Variants in AFAP1L1 observed in about 807,000 individuals in gnomAD.
AFAP1L1 encodes actin filament associated protein 1 like 1, also known as actin filament-associated protein 1-like 1.
A neutral mutation model predicts 99.8 loss-of-function variants in AFAP1L1; 77 were observed. The ratio of observed to expected loss-of-function variants is 0.77; its 90% CI spans 0.64 to 0.93. The LOEUF (loss-of-function observed/expected upper bound fraction) is 0.93. AFAP1L1 is among the 40% of genes least tolerant of loss of function. The probability of loss-of-function intolerance (pLI) is 0.00; values close to 1 mark genes in which losing one functional copy is unlikely to be tolerated. For missense variants in AFAP1L1, 893 were observed against 996.8 expected (o/e 0.90, Z 1.40); for synonymous variants, 373 against 395.3 (o/e 0.94, Z 0.67).
At position 149,317,832 on chromosome 5, in the gene AFAP1L1, T is replaced by C. The variant is rs767463763; in HGVS notation, c.1371T>C (p.His457=). The part of the protein sequence containing the change: ...FHKDHMDLRT[H]VNAIALQGCE... ...AGGATCACATGGACCTGCGAACCCA[T>C]GTGAACGCCATCGCCCTGCAAGGCT... The change falls in exon 12 of 19, where the codon CAT becomes CAC. Residue 457 remains histidine, a synonymous_variant. Transcript: ENST00000296721. 5.6e-6 allele frequency: 9 copies of C among 1,612,304 alleles called. No homozygotes were observed. The highest frequency in any genetic ancestry group is 5.5e-5 in the South Asian group (5 of 90,472).
intron 11 of AFAP1L1, 55 bp from the exon 12 acceptor site, chr5:149,317,674 T>C: frequency 6.3e-7 from 1 of 1,586,516 alleles, no homozygotes; most frequent in South Asian, 1.1e-5. Context: ...CCGCCTTGCG[T>C]CCCCATGCTG....
intron 1 of AFAP1L1, among the ~76,000 whole-genome samples, chr5:149,284,590 G>C (rs1561660607): frequency 6.6e-6 from 1 of 152,194 alleles, no homozygotes; most frequent in Admixed American, 6.5e-5. Flanking sequence ...CTCGCTCCTT[G>C]CCTGCCCATC....
chr5:149,331,091 C>T (rs1280046214), intron 16 of AFAP1L1, among the ~76,000 whole-genome samples: 6 of 151,880 alleles, frequency 4.0e-5, no homozygotes, highest in Non-Finnish European at 8.8e-5. Flanking sequence ...CTGGTAAGAC[C>T]CAACACAGCA....
intron 15 of AFAP1L1, among the ~76,000 whole-genome samples, chr5:149,326,818 G>T (rs1757110181): frequency 6.6e-6 from 1 of 152,086 alleles, no homozygotes; most frequent in Non-Finnish European, 1.5e-5. Flanking sequence ...AGAAATCCCT[G>T]CTAATACGCT....
At chr5:149,295,831 T>C (rs1755999496) in intron 1 of AFAP1L1, among the ~76,000 whole-genome samples, 1 of 152,238 alleles carries the variant, frequency 6.6e-6, no homozygotes, top group Non-Finnish European at 1.5e-5. Context: ...TGTGTAGTAC[T>C]AAGACATTAT....
chr5:149,317,603 G>T, intron 11 of AFAP1L1, 126 bp from the exon 12 acceptor site: 1 of 923,672 alleles, frequency 1.1e-6, no homozygotes, highest in Non-Finnish European at 1.6e-6. Context: ...TCACCCTGAG[G>T]TCACAGGGGA....
intron 1 of AFAP1L1, among the ~76,000 whole-genome samples, chr5:149,287,161 A>G (rs1314520213): frequency 1.3e-5 from 2 of 152,256 alleles, no homozygotes; most frequent in Non-Finnish European, 2.9e-5. Context: ...AAGCAGCAAT[A>G]TGGATAAATC....
chr5:149,291,143 C>T (rs533322046), intron 1 of AFAP1L1, among the ~76,000 whole-genome samples: 1 of 152,014 alleles, frequency 6.6e-6, no homozygotes, highest in Non-Finnish European at 1.5e-5. Context: ...TGGCTGGCAG[C>T]GGAAGGGAGT....
At chr5:149,272,910 C>T (rs1193414986) in intron 1 of AFAP1L1, among the ~76,000 whole-genome samples, 2 of 152,070 alleles carry the variant, frequency 1.3e-5, no homozygotes, top group East Asian at 3.9e-4. Context: ...ACCATATTGG[C>T]CAGGCTGGTC....
At chr5:149,280,046 T>C (rs776468874) in intron 1 of AFAP1L1, among the ~76,000 whole-genome samples, 60 of 152,200 alleles carry the variant, frequency 3.9e-4, no homozygotes, top group Admixed American at 6.5e-4. Context: ...TAGTAGGTGC[T>C]CAATAAATGT....
At chr5:149,289,481 C>A (rs1755787629) in intron 1 of AFAP1L1, among the ~76,000 whole-genome samples, 1 of 151,366 alleles carries the variant, frequency 6.6e-6, no homozygotes, top group Non-Finnish European at 1.5e-5. Flanking sequence ...CTTTGTCATT[C>A]TTTTCCAGCC....
At chr5:149,285,454 T>C (rs1244855540) in intron 1 of AFAP1L1, among the ~76,000 whole-genome samples, 1 of 152,204 alleles carries the variant, frequency 6.6e-6, no homozygotes, top group Non-Finnish European at 1.5e-5. Flanking sequence ...AGCACTGTTA[T>C]TATCTCTGTC....
At chr5:149,289,916 G>A (rs1755798978) in intron 1 of AFAP1L1, among the ~76,000 whole-genome samples, 1 of 152,190 alleles carries the variant, frequency 6.6e-6, no homozygotes, top group Admixed American at 6.5e-5. Context: ...ATGTGTAAGT[G>A]GGGGTAATCC....
chr5:149,313,193 G>T (rs1756691154), intron 9 of AFAP1L1, among the ~76,000 whole-genome samples: 1 of 151,906 alleles, frequency 6.6e-6, no homozygotes, highest in Non-Finnish European at 1.5e-5. Flanking sequence ...TTAGCCAGTT[G>T]GTCAGGCTGT....
Position 149,336,013 on chromosome 5 carries a change from C to T in AFAP1L1, c.2283+291C>T, listed in dbSNP as rs114321421. On this transcript the variant is annotated intron_variant, in intron 18 of 18. Transcript: ENST00000296721. ...TTTCATTGATGAGGTAACTGAAAAT[C>T]GAGGACGATGGGACTTGCCCAGGGC... Among the ~76,000 whole-genome samples the T allele has an allele frequency of 2.0e-5, 3 of 152,168 alleles. No individual in the cohort carries two copies. The South Asian group carries it at 6.2e-4, about 31-fold the overall frequency.
chr5:149,294,596 A>C (rs183248811), intron 1 of AFAP1L1, among the ~76,000 whole-genome samples: 1 of 152,106 alleles, frequency 6.6e-6, no homozygotes, highest in East Asian at 1.9e-4. Flanking sequence ...ATTTGCTTTC[A>C]GTGGTCTATT....
intron 12 of AFAP1L1, among the ~76,000 whole-genome samples, chr5:149,319,167 T>C (rs1396780317): frequency 6.6e-6 from 1 of 152,244 alleles, no homozygotes; most frequent in African/African-American, 2.4e-5. Flanking sequence ...ATTGTACTTA[T>C]TTGGCAACTA....
At chr5:149,308,016 G>A (rs1414894802) in intron 7 of AFAP1L1, among the ~76,000 whole-genome samples, 1 of 151,898 alleles carries the variant, frequency 6.6e-6, no homozygotes, top group Non-Finnish European at 1.5e-5. Context: ...AATTAGCCAG[G>A]TGTGCGCCTG....
rs1756649038 is a variant in AFAP1L1, at chr5:149,312,142, G to T, written c.958G>T (p.Gly320Ter). The T allele has an allele frequency of 1.9e-6, 3 of 1,613,910 alleles. No homozygotes were observed. Among genetic ancestry groups the T allele is most frequent in the Non-Finnish European group, 2.5e-6 (3 of 1,180,026 alleles). The change falls in exon 9 of 19, where the codon GGA becomes TGA. Residue 320 changes from glycine (G) to a stop codon, truncating the protein, a stop_gained. Transcript: ENST00000296721. LOFTEE classifies it high-confidence loss of function. The part of the protein sequence containing the change: ...VIREVSKPVG[G>*]AEGVEVPRSP... ...CCGAGAAGTGAGCAAGCCAGTTGGG[G>T]GAGCTGAGGGAGTGGAGGTCCCCAG...
Sources: gnomAD v4.1 joint callset for allele counts (sites outside exome capture counted in the v4.1 genomes callset) on GRCh38, gnomAD v4.1.1 for gene constraint, MANE v1.5 for transcripts, NCBI Gene and HGNC (gene_info 2026-07-23, HGNC 2026-07-21) for gene names.